RMDN2: variants seen among roughly 807,000 people sequenced by gnomAD.
The protein encoded by RMDN2 is regulator of microtubule dynamics protein 2.
A neutral mutation model predicts 52.8 loss-of-function variants in RMDN2; 61 were observed. The ratio of observed to expected loss-of-function variants is 1.16; its 90% CI spans 0.94 to 1.43. The LOEUF (loss-of-function observed/expected upper bound fraction) is 1.43. Ranked by LOEUF, RMDN2 falls within the 40% of genes most tolerant of loss-of-function variation. The pLI is 0.00. For synonymous variants in RMDN2, 180 were observed against 153.1 expected (o/e 1.18, Z -1.30); for missense variants, 592 against 475.3 (o/e 1.25, Z -2.28).
chr2:37,936,140 C>T (rs559711466), intron 2 of RMDN2, among the ~76,000 whole-genome samples: 1 of 152,276 alleles, frequency 6.6e-6, no homozygotes, highest in Admixed American at 6.5e-5. Flanking sequence ...ATAGTGAGAA[C>T]ATGCAGTGTT....
At chr2:37,951,272 A>G (rs750276462) in intron 2 of RMDN2, 1 of 1,604,840 alleles carries the variant, frequency 6.2e-7, no homozygotes, top group East Asian at 2.2e-5. Flanking sequence ...GATGTTCTCC[A>G]GAAGATCAAG....
At chr2:37,952,442 A>G (rs1668954333) in intron 2 of RMDN2, 1 of 494,590 alleles carries the variant, frequency 2.0e-6, no homozygotes. Flanking sequence ...CTTTTTTCAG[A>G]TTTACTGCTT....
intron 7 of RMDN2, among the ~76,000 whole-genome samples, chr2:37,994,916 T>TA: frequency 6.6e-6 from 1 of 152,200 alleles, no homozygotes; most frequent in Non-Finnish European, 1.5e-5. Context: ...GAAGACTACC[T>TA]AATTGCATTG....
chr2:38,005,118 T>A (rs1481379481), intron 10 of RMDN2, among the ~76,000 whole-genome samples: 1 of 152,230 alleles, frequency 6.6e-6, no homozygotes, highest in East Asian at 1.9e-4. Context: ...TTTGGGTTGG[T>A]TCCAAGTCTT....
At chr2:37,955,565 G>T (rs138322066) in intron 2 of RMDN2, among the ~76,000 whole-genome samples, 1 of 152,086 alleles carries the variant, frequency 6.6e-6, no homozygotes, top group Admixed American at 6.6e-5. Context: ...TTGTGGGAGG[G>T]ACCCAGGGGG....
At position 37,996,361 on chromosome 2, in the gene RMDN2, G is replaced by A. The variant is rs184088728; in HGVS notation, c.946-1055G>A. On this transcript the variant is annotated intron_variant, in intron 7 of 10. Coordinates refer to ENST00000354545, the MANE Select transcript of RMDN2 (RefSeq NM_001170791.3). The stretch of plus-strand genomic sequence containing the variant: ...GCACTTTGAGAGTCTGAGGCAGGAG[G>A]ATCTCTTGAGCCCAGGAGTTCAGGA... Among the ~76,000 whole-genome samples, 120 of 152,190 alleles carry A rather than the reference G, an allele frequency of 7.9e-4. 1 individual carries two copies. The East Asian group carries it at 0.02, about 26-fold the overall frequency.
chr2:37,982,706 G>A (rs1401413536), intron 5 of RMDN2, among the ~76,000 whole-genome samples: 1 of 152,024 alleles, frequency 6.6e-6, no homozygotes, highest in African/African-American at 2.4e-5. Flanking sequence ...CAAAATTCTA[G>A]GGAAAAAGGT....
At chr2:38,022,318 C>T (rs772855907), downstream of RMDN2, among the ~76,000 whole-genome samples, 1 of 152,190 alleles carries the variant, frequency 6.6e-6, no homozygotes, top group Non-Finnish European at 1.5e-5. Context: ...GAATTTCACA[C>T]AAAGTGAGCC....
rs188056414 is a variant in RMDN2 at position 38,034,865 on chromosome 2, A to T, written c.1713+30649A>T. ...ATAAAGGAATACTGTTTTAATATTT[A>T]AAAAAAAGCTTTTTATCTGAGCTCA... On this transcript the variant is annotated intron_variant, in intron 10 of 10. Coordinates refer to the RMDN2 transcript ENST00000234195. 4.6e-3 allele frequency among the ~76,000 whole-genome samples: 322 copies of T among 69,596 alleles called. 5 individuals are homozygous for T. Among genetic ancestry groups the T allele is most frequent in the Middle Eastern group, 0.02 (3 of 150 alleles). The allele number at this position is 69,596 out of a possible 152,430, so 45.7% of individuals were successfully genotyped here.
chr2:37,987,703 G>T (rs1220844115), intron 5 of RMDN2, among the ~76,000 whole-genome samples: 3 of 152,146 alleles, frequency 2.0e-5, no homozygotes, highest in Non-Finnish European at 2.9e-5. Flanking sequence ...GGATGTTACT[G>T]ATGTGTCAGT....
chr2:37,922,691 T>A (rs1193578575), upstream of RMDN2, among the ~76,000 whole-genome samples: 1 of 152,226 alleles, frequency 6.6e-6, no homozygotes, highest in Non-Finnish European at 1.5e-5. Flanking sequence ...AGGCATTTTG[T>A]ATTCATTGAA....
At chr2:38,032,080 T>C (rs986544043) in intron 10 of RMDN2, among the ~76,000 whole-genome samples, 4 of 152,190 alleles carry the variant, frequency 2.6e-5, no homozygotes, top group Non-Finnish European at 5.9e-5. Context: ...CTCATTTTCT[T>C]TTTACATTAA....
intron 10 of RMDN2, among the ~76,000 whole-genome samples, chr2:38,015,943 G>A (rs1678713462): frequency 6.6e-6 from 1 of 152,186 alleles, no homozygotes. Context: ...TTCAGATTTG[G>A]GAGAAAAGGA....
At chr2:37,961,410 C>G (rs952680287) in intron 2 of RMDN2, among the ~76,000 whole-genome samples, 4 of 151,852 alleles carry the variant, frequency 2.6e-5, no homozygotes, top group African/African-American at 9.7e-5. Flanking sequence ...TTTCTCTAAT[C>G]TTGTCTTTAC....
rs545388240 is a variant in RMDN2, at chr2:38,017,526, A to T, written c.*287A>T. 8.9e-7 allele frequency: 1 copy of T among 1,118,822 alleles called. No individual in the cohort carries two copies. The highest frequency in any genetic ancestry group is 3.3e-5 in the Admixed American group (1 of 29,864). 69.3% of individuals were successfully genotyped at this position (1,118,822 alleles called of 1,614,324 possible). A position where few individuals can be genotyped will look rare whatever the true frequency, so the allele number is the denominator to read the frequency against. ...TTAAGAATATTTCTTTAAATAAAATATTTAAATCCAATAAAATGAATTCTC... is the reference window on the plus strand; with the variant it reads ...TTAAGAATATTTCTTTAAATAAAATTTTTAAATCCAATAAAATGAATTCTC... On this transcript the variant is annotated 3_prime_UTR_variant, in exon 11 of 11. Coordinates refer to ENST00000354545, the MANE Select transcript of RMDN2 (RefSeq NM_001170791.3).
intron 6 of RMDN2, 116 bp downstream of exon 6, chr2:37,989,732 ATT>A: frequency 1.7e-6 from 1 of 604,160 alleles, no homozygotes; most frequent in Non-Finnish European, 2.8e-6. Flanking sequence ...TATAAACCAG[ATT>A]ATTCAACAGA....
chr2:38,056,446 G>C (rs1056917044), intron 10 of RMDN2, among the ~76,000 whole-genome samples: 2 of 152,188 alleles, frequency 1.3e-5, no homozygotes, highest in African/African-American at 4.8e-5. Flanking sequence ...GAACACCTCT[G>C]CATCAGGGCA....
chr2:38,024,911 T>G (rs1239062108), intron 10 of RMDN2, among the ~76,000 whole-genome samples: 1 of 152,156 alleles, frequency 6.6e-6, no homozygotes, highest in East Asian at 1.9e-4. Context: ...TCAACACCAA[T>G]ACCACATCAT....
intron 2 of RMDN2, among the ~76,000 whole-genome samples, chr2:37,969,840 C>T (rs1199469045): frequency 6.6e-6 from 1 of 151,456 alleles, no homozygotes; most frequent in Non-Finnish European, 1.5e-5. Context: ...AGGCTCCTCC[C>T]TCCCTCCCTT....
Sources: gnomAD v4.1 joint callset for allele counts (sites outside exome capture counted in the v4.1 genomes callset) on GRCh38, gnomAD v4.1.1 for gene constraint, MANE v1.5 for transcripts, NCBI Gene and HGNC (gene_info 2026-07-23, HGNC 2026-07-21) for gene names.